Variants in CSMD2 observed in about 807,000 individuals in gnomAD.
The protein encoded by CSMD2 is CUB and Sushi multiple domains 2.
Under a neutral mutation model 398.5 loss-of-function variants are expected in CSMD2, and 130 were observed. That is an observed-to-expected ratio of 0.33 (90% CI 0.28 to 0.38). The LOEUF (loss-of-function observed/expected upper bound fraction) is 0.38, where lower values mean the gene tolerates loss of function less well. CSMD2 is among the 10% of genes least tolerant of loss of function. The pLI, the probability that CSMD2 is intolerant of heterozygous loss-of-function variation, is 1.00. For missense variants in CSMD2, 3,829 were observed against 4,764.9 expected (o/e 0.80, Z 5.78); for synonymous variants, 1,828 against 1,908.5 (o/e 0.96, Z 1.10).
chr1:33,613,061 G>A lies in CSMD2; in HGVS notation c.6133+1443C>T, dbSNP rs140227833. 4.3e-3 allele frequency among the ~76,000 whole-genome samples: 660 copies of A among 152,304 alleles called. 6 individuals carry two copies. Among genetic ancestry groups the A allele is most frequent in the African/African-American group, 0.015 (626 of 41,572 alleles). ...CCAAGGAAAGAACTGGACTGTGACC[G>A]CCATCTAGTGGAGCAGCATGTAGCT... is the stretch of plus-strand genomic sequence containing the variant. On this transcript the variant is annotated intron_variant, in intron 40 of 70. Transcript: ENST00000373381.
intron 3 of CSMD2, among the ~76,000 whole-genome samples, chr1:33,985,714 T>C (rs922860513): frequency 2.0e-5 from 3 of 152,206 alleles, no homozygotes; most frequent in Non-Finnish European, 4.4e-5. Context: ...CCAGTAGATC[T>C]TGTGCCTTTG....
rs1175808869 is a variant in CSMD2, at chr1:33,827,318, C to T, written c.1034-1544G>A. The stretch of plus-strand genomic sequence containing the variant: ...TCTGTTCTCCCCATGACCTCTCTGA[C>T]TCTGTATTTGGCCTCGATTGCTCTT... On this transcript the variant is annotated intron_variant, in intron 6 of 70. Transcript: ENST00000373381. Among the ~76,000 whole-genome samples the T allele has an allele frequency of 2.6e-5, 4 of 152,340 alleles. No individual in the cohort carries two copies. In the East Asian group the frequency reaches 7.7e-4, roughly 29 times the overall value.
intron 10 of CSMD2, among the ~76,000 whole-genome samples, chr1:33,795,486 C>T (rs980318577): frequency 2.0e-5 from 3 of 152,198 alleles, no homozygotes; most frequent in African/African-American, 4.8e-5. Flanking sequence ...CTGCCCTCCA[C>T]TGCACAGCCT....
intron 43 of CSMD2, 76 bp downstream of exon 43, chr1:33,602,293 T>C (rs1219942119): frequency 6.6e-7 from 1 of 1,509,956 alleles, no homozygotes; most frequent in Admixed American, 1.8e-5. Context: ...AACCAATAGG[T>C]AACTGACTGG....
chr1:34,082,340 G>GC (rs56695370), intron 2 of CSMD2, among the ~76,000 whole-genome samples: 2,201 of 151,980 alleles, frequency 0.014, 18 homozygotes, highest in Middle Eastern at 0.045. Context: ...GAAGTGAGGA[G>GC]CCCCTCCGCC....
intron 29 of CSMD2, among the ~76,000 whole-genome samples, chr1:33,643,487 T>A (rs2148937592): frequency 6.6e-6 from 1 of 152,310 alleles, no homozygotes; most frequent in East Asian, 1.9e-4. Context: ...AGTGGGTGGA[T>A]CAAAGTACAT....
rs1385407287 is a variant in CSMD2 at position 33,600,096 on chromosome 1, A to G, written c.6856+769T>C. ...CCTCACAGAATTCTTACAGGTCACAAACTCCAAGCCGGTAATTCTACAGGT... is the reference window on the plus strand; with the variant it reads ...CCTCACAGAATTCTTACAGGTCACAGACTCCAAGCCGGTAATTCTACAGGT... On this transcript the variant is annotated intron_variant, in intron 44 of 70. Transcript: ENST00000373381. 1.0e-5 allele frequency: 7 copies of G among 690,168 alleles called. No individual in the cohort carries two copies. In the East Asian group the frequency reaches 1.4e-4, roughly 13 times the overall value. 42.8% of individuals were successfully genotyped at this position (690,168 alleles called of 1,614,324 possible).
intron 15 of CSMD2, among the ~76,000 whole-genome samples, chr1:33,732,785 G>C (rs1646762778): frequency 6.6e-6 from 1 of 152,232 alleles, no homozygotes; most frequent in African/African-American, 2.4e-5. Context: ...GAGGAATAGG[G>C]AATGGTGACA....
intron 25 of CSMD2, among the ~76,000 whole-genome samples, chr1:33,677,535 T>C (rs977835114): frequency 6.6e-6 from 1 of 152,196 alleles, no homozygotes; most frequent in African/African-American, 2.4e-5. Context: ...TCAACCATTG[T>C]GGAAGTCAGT....
intron 25 of CSMD2, among the ~76,000 whole-genome samples, chr1:33,692,514 C>G (rs554583588): frequency 1.3e-5 from 2 of 152,362 alleles, no homozygotes; most frequent in East Asian, 3.9e-4. Context: ...AAATACTATA[C>G]TGAGCATATT....
intron 3 of CSMD2, among the ~76,000 whole-genome samples, chr1:33,984,085 C>T (rs188414984): frequency 2.6e-5 from 4 of 151,998 alleles, no homozygotes; most frequent in East Asian, 2.0e-4. Context: ...ACCCTGGAGG[C>T]GGAGCTTGCA....
intron 1 of CSMD2, among the ~76,000 whole-genome samples, chr1:34,118,276 T>A (rs1402841307): frequency 6.6e-6 from 1 of 152,060 alleles, no homozygotes; most frequent in Non-Finnish European, 1.5e-5. Flanking sequence ...CTCAATATAG[T>A]AAAGACCATA....
intron 35 of CSMD2, among the ~76,000 whole-genome samples, chr1:33,623,859 G>C (rs1004916582): frequency 6.6e-6 from 1 of 152,196 alleles, no homozygotes; most frequent in African/African-American, 2.4e-5. Flanking sequence ...CTCCTGCCCA[G>C]ATCTGTCTGC....
rs748285841 is a variant in CSMD2 at position 33,580,859 on chromosome 1, C to T, written c.7281G>A (p.Gly2427=). 1.9e-6 allele frequency: 3 copies of T among 1,613,936 alleles called. No individual in the cohort carries two copies. The highest frequency in any genetic ancestry group is 2.5e-6 in the Non-Finnish European group (3 of 1,180,008). The change falls in exon 48 of 71, where the codon GGG becomes GGA. Residue 2427 remains glycine, a synonymous_variant. Transcript: ENST00000373381. The part of the protein sequence containing the change: ...GQSPLLKALS[G]NYSAPLIVTS... ...TGACAATCAGGGGAGCTGAGTAATT[C>T]CCACTGAGGGCTTTCAGCAGAGGAC...
chr1:33,798,192 G>A (rs940897346), intron 10 of CSMD2, among the ~76,000 whole-genome samples: 5 of 152,164 alleles, frequency 3.3e-5, no homozygotes, highest in Admixed American at 1.3e-4. Flanking sequence ...AGCGCCTTTC[G>A]GAGGCAGGAG....
At chr1:34,082,347 C>T (rs1314153220) in intron 2 of CSMD2, among the ~76,000 whole-genome samples, 5 of 151,008 alleles carry the variant, frequency 3.3e-5, no homozygotes, top group African/African-American at 4.9e-5. Context: ...GGAGCCCCTC[C>T]GCCCAGCAGC....
chr1:34,130,239 TGAA>T (rs1165546907), intron 1 of CSMD2, among the ~76,000 whole-genome samples: 1 of 152,130 alleles, frequency 6.6e-6, no homozygotes, highest in Middle Eastern at 3.4e-3. Flanking sequence ...ATCAGAGCTA[TGAA>T]GAAGGTGATG....
chr1:33,548,257 GC>G (rs1368087230), intron 56 of CSMD2, among the ~76,000 whole-genome samples: 1 of 152,210 alleles, frequency 6.6e-6, no homozygotes, highest in East Asian at 1.9e-4. Flanking sequence ...AGTCCTAGGG[GC>G]TTTTTCTGAA....
intron 13 of CSMD2, among the ~76,000 whole-genome samples, chr1:33,768,752 A>G (rs1287257537): frequency 6.6e-6 from 1 of 152,064 alleles, no homozygotes; most frequent in Non-Finnish European, 1.5e-5. Flanking sequence ...ATCTTCTGGG[A>G]CATTTTCCCT....
Sources: gnomAD v4.1 joint callset for allele counts (sites outside exome capture counted in the v4.1 genomes callset) on GRCh38, gnomAD v4.1.1 for gene constraint, MANE v1.5 for transcripts, NCBI Gene and HGNC (gene_info 2026-07-23, HGNC 2026-07-21) for gene names.